Variants in SLX4 observed in about 807,000 individuals in gnomAD.
SLX4 encodes SLX4 structure-specific endonuclease subunit, also known as structure-specific endonuclease subunit SLX4.
SLX4 carries 112 observed loss-of-function variants against 146.2 expected under a neutral mutation model. The ratio of observed to expected loss-of-function variants is 0.77; its 90% CI spans 0.66 to 0.90. The LOEUF is 0.90. SLX4 is among the 40% of genes least tolerant of loss of function. The pLI is 0.00. For synonymous variants in SLX4, 1,061 were observed against 997.7 expected (o/e 1.06, Z -1.20); for missense variants, 2,563 against 2,392.7 (o/e 1.07, Z -1.49).
At chr16:3,609,693 A>G (rs1031169218) in intron 1 of SLX4, 127 bp from the exon 2 acceptor site, 44 of 152,356 alleles carry the variant, frequency 2.9e-4, no homozygotes, top group Admixed American at 2.6e-3. Flanking sequence ...TCAAATACTC[A>G]GTCCAGCCTG....
intron 12 of SLX4, among the ~76,000 whole-genome samples, chr16:3,585,459 G>C (rs192835849): frequency 2.0e-5 from 3 of 151,950 alleles, no homozygotes; most frequent in Admixed American, 2.0e-4. Context: ...GGTGGCGGGC[G>C]CCTGTAGTCC....
Position 3,602,292 on chromosome 16 carries a change from G to T in SLX4, c.776C>A (p.Pro259His), listed in dbSNP as rs2040736634. The T allele has an allele frequency of 1.2e-6, 2 of 1,613,950 alleles. No homozygotes were observed. The highest frequency in any genetic ancestry group is 2.7e-5 in the African/African-American group (2 of 75,050). The change falls in exon 4 of 15, where the codon CCC becomes CAC. Residue 259 changes from proline to histidine, a missense_variant. By Grantham distance (77) the Pro-to-His change is moderately conservative (BLOSUM62 -2). Coordinates refer to ENST00000294008, the MANE Select transcript of SLX4 (RefSeq NM_032444.4). The part of the protein sequence containing the change: ...MMAGNVYGLG[P>H]PAPESDAAVA... Reference sequence around the variant, plus strand: ...CGCAGCGTCGCTCTCTGGGGCAGGGGGCCCAAGCCCATACACTGTGGAGAA... The same window carrying T: ...CGCAGCGTCGCTCTCTGGGGCAGGGTGCCCAAGCCCATACACTGTGGAGAA...
At chr16:3,592,349 C>T (rs982731326) in intron 11 of SLX4, among the ~76,000 whole-genome samples, 1 of 152,232 alleles carries the variant, frequency 6.6e-6, no homozygotes, top group African/African-American at 2.4e-5. Context: ...GAAAGGACTG[C>T]TGTTGTTCAG....
intron 1 of SLX4, among the ~76,000 whole-genome samples, chr16:3,609,872 G>A (rs1047560244): frequency 6.6e-6 from 1 of 152,234 alleles, no homozygotes; most frequent in Non-Finnish European, 1.5e-5. Context: ...ACAGAAACAG[G>A]ATGATCCCCA....
intron 13 of SLX4, 41 bp downstream of exon 13, chr16:3,584,728 G>GA: frequency 6.7e-7 from 1 of 1,491,192 alleles, no homozygotes; most frequent in Non-Finnish European, 9.4e-7. Context: ...TTATGGGAGG[G>GA]AAAAGACCAC....
At position 3,582,260 on chromosome 16, in the gene SLX4, G is replaced by A. The variant is rs2040444401; in HGVS notation, c.*82C>T. Reference sequence around the variant, plus strand: ...AAATGCCTGTGGAGGCCTGACCCACGCTGGGTGTCCCAGGTCCTCCCTGCA... The same window carrying A: ...AAATGCCTGTGGAGGCCTGACCCACACTGGGTGTCCCAGGTCCTCCCTGCA... On this transcript the variant is annotated 3_prime_UTR_variant, in exon 15 of 15. Coordinates refer to ENST00000294008, the MANE Select transcript of SLX4 (RefSeq NM_032444.4). 5 of 1,277,100 alleles carry A rather than the reference G, an allele frequency of 3.9e-6. No homozygotes were observed. Among genetic ancestry groups the A allele is most frequent in the South Asian group, 2.6e-5 (2 of 77,330 alleles). The allele number at this position is 1,277,100 out of a possible 1,614,324, so 79.1% of individuals were successfully genotyped here. A position where few individuals can be genotyped will look rare whatever the true frequency, so the allele number is the denominator to read the frequency against.
Position 3,596,175 on chromosome 16 carries a change from C to A in SLX4, c.1902G>T (p.Leu634=), listed in dbSNP as rs1383352218. Residue 634 remains leucine (L), a synonymous_variant, in exon 8 of 15, where the codon CTG becomes CTT. Transcript: ENST00000294008. ...SASPWPGSGG[L]AGSEGTAGLD... ...CACCTGCAGTCCCTTCCGAGCCAGCCAGGCCCCCACTGCCGGGCCACGGGC... is the reference window on the plus strand; with the variant it reads ...CACCTGCAGTCCCTTCCGAGCCAGCAAGGCCCCCACTGCCGGGCCACGGGC... 1.9e-6 allele frequency: 3 copies of A among 1,551,938 alleles called. No homozygotes were observed. Among genetic ancestry groups the A allele is most frequent in the East Asian group, 2.4e-5 (1 of 41,246 alleles).
Position 3,583,403 on chromosome 16 carries a change from G to A in SLX4, c.4847C>T (p.Ser1616Phe), listed in dbSNP as rs1321672829. 3.1e-6 allele frequency: 5 copies of A among 1,613,444 alleles called. No individual in the cohort carries two copies. The African/African-American group carries it at 5.3e-5, about 17-fold the overall frequency. The stretch of plus-strand genomic sequence containing the variant: ...AGGCGCCTGCAACAGCGGCTGTGAG[G>A]ACTGGCTCTCGTCCTCGGAGTCTGA... ...LDSDSEDESQSSQPLLQAPHC... is the reference protein window; with the variant it reads ...LDSDSEDESQFSQPLLQAPHC... Residue 1616 changes from serine to phenylalanine, a missense_variant, in exon 14 of 15, where the codon TCC becomes TTC. Coordinates refer to ENST00000294008, the MANE Select transcript of SLX4 (RefSeq NM_032444.4).
At position 3,584,151 on chromosome 16, in the gene SLX4, A is replaced by G. The variant is rs530117461; in HGVS notation, c.4739+618T>C. Among the ~76,000 whole-genome samples, 5 of 152,312 alleles carry G rather than the reference A, an allele frequency of 3.3e-5. No individual in the cohort carries two copies. The South Asian group carries it at 8.3e-4, about 25-fold the overall frequency. Reference sequence around the variant, plus strand: ...AAAAAATCAGGCCTCCGCCGGGCACAGTGGCTCACGCCTGTAATCCCAGCA... The same window carrying G: ...AAAAAATCAGGCCTCCGCCGGGCACGGTGGCTCACGCCTGTAATCCCAGCA... On this transcript the variant is annotated intron_variant, in intron 13 of 14. Transcript: ENST00000294008.
At chr16:3,603,881 T>G (rs749680647) in intron 3 of SLX4, among the ~76,000 whole-genome samples, 6 of 152,078 alleles carry the variant, frequency 3.9e-5, no homozygotes, top group Non-Finnish European at 8.8e-5. Context: ...CATAAAGAAA[T>G]AAATCCAGAA....
chr16:3,595,552 A>G (rs915675716), intron 9 of SLX4, 53 bp downstream of exon 9: 5 of 1,600,722 alleles, frequency 3.1e-6, no homozygotes, highest in Non-Finnish European at 3.4e-6. Context: ...CACCACACAC[A>G]TGGCAAGTGG....
intron 3 of SLX4, among the ~76,000 whole-genome samples, chr16:3,605,946 CAAAAAAAAAAAAA>C (rs1181232820): frequency 1.9e-4 from 5 of 27,014 alleles, no homozygotes; most frequent in Admixed American, 5.0e-4. Context: ...GACTCCATCT[CAAAAAAAAAAAAA>C]AAAAAAAAAA....
In SLX4 at chr16:3,582,471, C is replaced by T. The variant is rs2151115589; in HGVS notation, c.5376G>A (p.Val1792=). The change falls in exon 15 of 15, where the codon GTG becomes GTA. Residue 1792 remains valine, a synonymous_variant. Transcript: ENST00000294008. ...QAELRQNGLR[V]SSRRLLDFLD... is the part of the protein sequence containing the mutation. ...GGAAGTCCAACAGCCTGCGCGAGGACACACGGAGGCCGTTCTGCCTCAGCT... is the reference window on the plus strand; with the variant it reads ...GGAAGTCCAACAGCCTGCGCGAGGATACACGGAGGCCGTTCTGCCTCAGCT... 6.2e-7 allele frequency: 1 copy of T among 1,614,008 alleles called. No individual in the cohort carries two copies. Among genetic ancestry groups the T allele is most frequent in the South Asian group, 1.1e-5 (1 of 91,086 alleles).
rs775058507 is a variant in SLX4, at chr16:3,582,315, G to A, written c.*27C>T. ...GCGGGGGTGGGGGCTGCTGATGGCA[G>A]GTTGGGGTGGGGTCGGGATGGCCCC... On this transcript the variant is annotated 3_prime_UTR_variant, in exon 15 of 15. Coordinates refer to ENST00000294008, the MANE Select transcript of SLX4 (RefSeq NM_032444.4). 1.3e-6 allele frequency: 2 copies of A among 1,595,960 alleles called. No homozygotes were observed. Among genetic ancestry groups the A allele is most frequent in the Non-Finnish European group, 1.7e-6 (2 of 1,171,734 alleles).
chr16:3,585,980 G>A (rs984997033), intron 12 of SLX4, among the ~76,000 whole-genome samples: 1 of 151,988 alleles, frequency 6.6e-6, no homozygotes, highest in Non-Finnish European at 1.5e-5. Context: ...TCCAGCCTGG[G>A]CGACAGAGCA....
At chr16:3,606,089 G>A (rs2040779415) in intron 3 of SLX4, among the ~76,000 whole-genome samples, 1 of 151,760 alleles carries the variant, frequency 6.6e-6, no homozygotes, top group South Asian at 2.1e-4. Context: ...GCGAAACCCT[G>A]TCTCTACTAA....
In SLX4 at chr16:3,590,428, G is replaced by C; in HGVS notation, c.3210C>G (p.Ser1070=). 6.2e-7 allele frequency: 1 copy of C among 1,614,206 alleles called. No homozygotes were observed. Among genetic ancestry groups the C allele is most frequent in the Non-Finnish European group, 8.5e-7 (1 of 1,180,018 alleles). The change falls in exon 12 of 15, where the codon TCC becomes TCG. Residue 1070 remains serine, a synonymous_variant. Transcript: ENST00000294008. The surrounding 1 kb of genome is among the most constrained non-coding windows in gnomAD (Gnocchi z 4.8). ...GCACAGCTGGAGACAGCAAGGTTGG[G>C]GAGCCCACCTGGGAAGTTCCGCCAC... ...RSRGGTSQVG[S]PTLLSPAVPS...
chr16:3,590,272 C>G lies in SLX4; in HGVS notation c.3366G>C (p.Pro1122=), dbSNP rs752209638. The G allele has an allele frequency of 1.9e-6, 3 of 1,614,094 alleles. No individual in the cohort carries two copies. The highest frequency in any genetic ancestry group is 2.2e-5 in the East Asian group (1 of 44,866). ...GATTTGACTGGGTTAGGTCAATAGA[C>G]GGAGATTTTTCTGGGAACATCAGGA... ...KGVLMFPEKS[P]SIDLTQSNPD... is the part of the protein sequence containing the mutation. The change falls in exon 12 of 15, where the codon CCG becomes CCC. Residue 1122 remains proline (P), a synonymous_variant. Coordinates refer to ENST00000294008, the MANE Select transcript of SLX4 (RefSeq NM_032444.4). The surrounding 1 kb of genome is among the most constrained non-coding windows in gnomAD (Gnocchi z 4.8).
rs758572814 is a variant in SLX4, at chr16:3,601,010, G to T, written c.1132C>A (p.Pro378Thr). The change falls in exon 5 of 15, where the codon CCT (proline) becomes ACT (threonine). Residue 378 changes from proline to threonine, a missense_variant. Transcript: ENST00000294008. ...LQAVRLQTAQ[P>T]EGSSSPPMFS... ...ATGGGTGGGCTGCTGCTACCCTCAGGCTGTGCTGTCTGCAGCCGCACAGCC... is the reference window on the plus strand; with the variant it reads ...ATGGGTGGGCTGCTGCTACCCTCAGTCTGTGCTGTCTGCAGCCGCACAGCC... 6.2e-7 allele frequency: 1 copy of T among 1,613,790 alleles called. No individual in the cohort carries two copies. Among genetic ancestry groups the T allele is most frequent in the Non-Finnish European group, 8.5e-7 (1 of 1,180,024 alleles).
Sources: gnomAD v4.1 joint callset for allele counts (sites outside exome capture counted in the v4.1 genomes callset) on GRCh38, gnomAD v4.1.1 for gene constraint, Gnocchi (gnomAD v3.1) non-coding constraint, MANE v1.5 for transcripts, NCBI Gene and HGNC (gene_info 2026-07-23, HGNC 2026-07-21) for gene names.